PRH1: variants seen among roughly 807,000 people sequenced by gnomAD.
PRH1 encodes the protein proline rich protein HaeIII subfamily 1, also known as salivary acidic proline-rich phosphoprotein 1/2.
PRH1 carries 7 observed loss-of-function variants against 7.9 expected under a neutral mutation model. The observed-to-expected ratio is 0.89, with a 90% CI of 0.50 to 1.67. PRH1 has a LOEUF of 1.67. PRH1 is among the 40% of genes most tolerant of loss of function. PRH1 has a pLI of 0.00. For missense variants in PRH1, 109 were observed against 223.6 expected (o/e 0.49, Z 3.27); for synonymous variants, 45 against 80.8 (o/e 0.56, Z 2.38).
intron 2 of PRH1, among the ~76,000 whole-genome samples, chr12:10,921,907 C>T (rs927864440): frequency 2.6e-5 from 4 of 152,100 alleles, no homozygotes; most frequent in Non-Finnish European, 5.9e-5. Context: ...GCTGGGACTA[C>T]AAAGGTGCAC....
chr12:10,889,659 G>A (rs866126045), intron 2 of PRH1, among the ~76,000 whole-genome samples: 4 of 152,046 alleles, frequency 2.6e-5, no homozygotes, highest in Admixed American at 2.6e-4. Flanking sequence ...TACATCATTT[G>A]TTATAGCCTT....
At chr12:11,135,216 C>T (rs547047534) in intron 1 of PRH1, among the ~76,000 whole-genome samples, 91 of 152,230 alleles carry the variant, frequency 6.0e-4, no homozygotes, top group African/African-American at 2.1e-3. Context: ...TCCCATCACA[C>T]GAAGACTGAC....
intron 1 of PRH1, chr12:11,171,413 G>A (rs1434357769): frequency 2.4e-6 from 3 of 1,232,042 alleles, no homozygotes; most frequent in Non-Finnish European, 3.0e-6. Context: ...GCCCCGCCGC[G>A]ACACCCACCT....
intron 1 of PRH1, chr12:11,079,095 G>C (rs796085099): frequency 6.0e-5 from 1 of 16,584 alleles, no homozygotes; most frequent in Non-Finnish European, 4.3e-4. Context: ...GATAAATTTA[G>C]TCTCAAGTCT....
chr12:10,914,352 T>C (rs1231456211), intron 2 of PRH1, among the ~76,000 whole-genome samples: 2 of 152,192 alleles, frequency 1.3e-5, no homozygotes, highest in African/African-American at 4.8e-5. Context: ...GCAATGAGAA[T>C]ACATGTGCCA....
At chr12:11,048,933 G>A (rs1020559335), upstream of PRH1, 2 of 282,302 alleles carry the variant, frequency 7.1e-6, no homozygotes, top group Admixed American at 3.8e-5. Flanking sequence ...TGGCAGTCTT[G>A]AGCAAATGAA....
At chr12:10,908,652 T>C (rs972525830) in intron 2 of PRH1, 3 of 1,614,018 alleles carry the variant, frequency 1.9e-6, no homozygotes, top group Non-Finnish European at 1.7e-6. Context: ...GTGTCCTTTG[T>C]AATTGAGTTG....
rs11497305 is a variant in PRH1 at position 11,074,049 on chromosome 12, T to C, written n.124-26861A>G. 1.6e-3 allele frequency among the ~76,000 whole-genome samples: 201 copies of C among 125,522 alleles called. 12 individuals carry two copies. The highest frequency in any genetic ancestry group is 4.7e-3 in the African/African-American group (171 of 36,632). 82.3% of individuals were successfully genotyped at this position (125,522 alleles called of 152,430 possible). The stretch of plus-strand genomic sequence containing the variant: ...TGAGTGGCACAAGGAGGGGACTATA[T>C]TGGACACAAACATGTGCTTCCTCAG... On this transcript the variant is annotated intron_variant and non_coding_transcript_variant, in intron 1 of 4. Transcript: ENST00000541977.
chr12:11,151,268 C>A (rs938714222), intron 1 of PRH1, among the ~76,000 whole-genome samples: 18 of 127,124 alleles, frequency 1.4e-4, no homozygotes, highest in African/African-American at 4.9e-4. Flanking sequence ...TGCTGGTCAT[C>A]CTTGCTTTTT....
chr12:10,962,795 A>G (rs1938302555), intron 2 of PRH1, among the ~76,000 whole-genome samples: 1 of 152,210 alleles, frequency 6.6e-6, no homozygotes, highest in Non-Finnish European at 1.5e-5. Context: ...TTTGAGACGG[A>G]GTCTCGCTCT....
chr12:11,152,318 T>G (rs1391691673), intron 1 of PRH1, among the ~76,000 whole-genome samples: 1 of 116,130 alleles, frequency 8.6e-6, no homozygotes, highest in African/African-American at 2.9e-5. Flanking sequence ...TTGGAAAAGA[T>G]AATTTGTGAG....
chr12:11,061,670 T>A (rs372334609), intron 1 of PRH1: 48 of 1,614,004 alleles, frequency 3.0e-5, no homozygotes, highest in African/African-American at 9.3e-5. Context: ...TGGAGCTGCA[T>A]CTTTTTGAGA....
intron 1 of PRH1, among the ~76,000 whole-genome samples, chr12:11,000,859 A>T (rs940470694): frequency 6.6e-6 from 1 of 151,996 alleles, no homozygotes; most frequent in Non-Finnish European, 1.5e-5. Context: ...AATATTGATT[A>T]TTTATTTTTT....
chr12:11,003,224 G>A (rs1005548296), intron 1 of PRH1, among the ~76,000 whole-genome samples: 4 of 151,546 alleles, frequency 2.6e-5, no homozygotes, highest in Non-Finnish European at 5.9e-5. Context: ...AATTACGATG[G>A]TACATGTAAG....
At chr12:11,156,194 T>C (rs1592119683) in intron 1 of PRH1, among the ~76,000 whole-genome samples, 1 of 152,338 alleles carries the variant, frequency 6.6e-6, no homozygotes, top group South Asian at 2.1e-4. Context: ...ATATATTACA[T>C]TGAATTCTAG....
intron 1 of PRH1, among the ~76,000 whole-genome samples, chr12:11,110,719 T>C (rs2597947): frequency 0.46 from 69,220 of 151,972 alleles, 16,570 homozygotes; most frequent in Non-Finnish European, 0.53. Context: ...GTAAAGACCA[T>C]TGGCACTATG....
At chr12:11,062,422 T>G (rs1943651645) in intron 1 of PRH1, 1 of 1,253,406 alleles carries the variant, frequency 8.0e-7, no homozygotes, top group Admixed American at 2.9e-5. Flanking sequence ...TCTTTTTACT[T>G]TTAATTGCTG....
At chr12:10,885,419 G>A (rs971991577), upstream of PRH1, among the ~76,000 whole-genome samples, 9 of 151,580 alleles carry the variant, frequency 5.9e-5, no homozygotes, top group Non-Finnish European at 1.2e-4. Context: ...CTACAAAGGT[G>A]TCCTTTATTT....
chr12:10,986,703 ACC>A (rs780021799), intron 1 of PRH1: 1 of 1,612,522 alleles, frequency 6.2e-7, no homozygotes, highest in South Asian at 1.1e-5. Flanking sequence ...AATTCTGGAG[ACC>A]GCCAGAGCAG....
Sources: allele counts gnomAD v4.1 joint callset (sites outside exome capture counted in the v4.1 genomes callset), GRCh38; gene constraint gnomAD v4.1.1; transcripts MANE v1.5; gene names NCBI Gene and HGNC (gene_info 2026-07-23, HGNC 2026-07-21).